MAP2: variants seen among roughly 807,000 people sequenced by gnomAD.
MAP2 encodes microtubule-associated protein 2.
A neutral mutation model predicts 137.6 loss-of-function variants in MAP2; 14 were observed. The observed-to-expected ratio is 0.10, with a 90% confidence interval of 0.07 to 0.16. The LOEUF (loss-of-function observed/expected upper bound fraction) is 0.16, where lower values mean the gene tolerates loss of function less well. Ranked by LOEUF, MAP2 falls within the 10% of genes least tolerant of loss-of-function variation. The probability of loss-of-function intolerance (pLI) is 1.00; values close to 1 mark genes in which losing one functional copy is unlikely to be tolerated. For missense variants in MAP2, 2,088 were observed against 2,191.5 expected, an observed-to-expected ratio of 0.95 and a Z score of 0.94; for synonymous variants, 786 against 782.3, an observed-to-expected ratio of 1.00 and a Z score of -0.08.
chr2:209,518,583 C>A (rs2062845940), intron 2 of MAP2, among the ~76,000 whole-genome samples: 1 of 152,034 alleles, frequency 6.6e-6, no homozygotes, highest in Non-Finnish European at 1.5e-5. Context: ...TTCCTTCTTT[C>A]TTAGTCTTCC....
intron 4 of MAP2, among the ~76,000 whole-genome samples, chr2:209,625,868 A>T (rs975962030): frequency 2.6e-5 from 4 of 152,192 alleles, no homozygotes; most frequent in Non-Finnish European, 4.4e-5. Flanking sequence ...TAGCTCAGTT[A>T]CAAGCAGAAA....
chr2:209,500,840 G>A (rs1422218493), intron 1 of MAP2, among the ~76,000 whole-genome samples: 3 of 151,952 alleles, frequency 2.0e-5, no homozygotes, highest in African/African-American at 7.3e-5. Flanking sequence ...TTTGAGACCA[G>A]CCTGTACAAC....
intron 13 of MAP2, among the ~76,000 whole-genome samples, chr2:209,720,510 G>A (rs886612141): frequency 6.6e-6 from 1 of 151,898 alleles, no homozygotes. Flanking sequence ...ATGGTGGCGG[G>A]CGCCTGTAGT....
intron 2 of MAP2, among the ~76,000 whole-genome samples, chr2:209,515,485 T>C (rs2062356150): frequency 6.6e-6 from 1 of 152,036 alleles, no homozygotes; most frequent in South Asian, 2.1e-4. Context: ...TTCTTCACCT[T>C]CTTCACAAGG....
intron 2 of MAP2, among the ~76,000 whole-genome samples, chr2:209,541,897 C>A (rs2067114739): frequency 6.6e-6 from 1 of 152,178 alleles, no homozygotes; most frequent in Admixed American, 6.5e-5. Flanking sequence ...GTTAATACTT[C>A]TTTTAAACTC....
chr2:209,506,747 A>C (rs938547634), intron 1 of MAP2, among the ~76,000 whole-genome samples: 4 of 152,190 alleles, frequency 2.6e-5, no homozygotes, highest in Non-Finnish European at 5.9e-5. Context: ...TTACCACTGG[A>C]ATTGTCTTAT....
intron 4 of MAP2, among the ~76,000 whole-genome samples, chr2:209,629,518 T>C (rs977422215): frequency 1.3e-5 from 2 of 152,224 alleles, no homozygotes; most frequent in African/African-American, 4.8e-5. Context: ...AAATAAATAC[T>C]TTGACTTGCA....
rs1227381136 is a variant in MAP2 at position 209,731,782 on chromosome 2, GA to G, written c.*1391del. The G allele has an allele frequency of 6.6e-6, 1 of 151,894 alleles. No individual in the cohort carries two copies. The highest frequency in any genetic ancestry group is 2.4e-5 in the African/African-American group (1 of 41,362). 9.4% of individuals were successfully genotyped at this position (151,894 alleles called of 1,614,324 possible). A position where few individuals can be genotyped will look rare whatever the true frequency, so the allele number is the denominator to read the frequency against. ...AAAGTAAAGATCCCCTGATCAGAAA[GA>G]AAAAATACAATACTTTGGGAAGCTA... On this transcript the variant is annotated 3_prime_UTR_variant, in exon 16 of 16. Coordinates refer to ENST00000682079, the MANE Select transcript of MAP2 (RefSeq NM_001375505.1).
At chr2:209,682,359 C>T (rs1333553255) in intron 7 of MAP2, among the ~76,000 whole-genome samples, 9 of 152,066 alleles carry the variant, frequency 5.9e-5, no homozygotes, top group South Asian at 2.1e-4. Flanking sequence ...GGCATGGTGG[C>T]GTACGCCTAT....
chr2:209,658,511 C>A (rs11901955), intron 5 of MAP2, among the ~76,000 whole-genome samples: 1 of 151,376 alleles, frequency 6.6e-6, no homozygotes, highest in African/African-American at 2.4e-5. Context: ...ATTATTATTA[C>A]TATTTTTTTT....
chr2:209,480,972 C>T lies in MAP2; in HGVS notation c.-221-26620C>T, dbSNP rs574512907. Among the ~76,000 whole-genome samples, 3 of 152,272 alleles carry T rather than the reference C, an allele frequency of 2.0e-5. No homozygotes were observed. In the South Asian group the frequency reaches 6.2e-4, roughly 32 times the overall value. On this transcript the variant is annotated intron_variant, in intron 1 of 15. Transcript: ENST00000682079. ...GAAATGCTGGGTTCATCATAAGGCT[C>T]TTACTCCATGGTGAAAAGAGGTACC...
At chr2:209,622,753 G>T (rs562836554) in intron 3 of MAP2, among the ~76,000 whole-genome samples, 2 of 152,156 alleles carry the variant, frequency 1.3e-5, no homozygotes, top group African/African-American at 4.8e-5. Flanking sequence ...TAGGCCATAA[G>T]TTGCTCTTTA....
chr2:209,506,197 C>T (rs1010249115), intron 1 of MAP2, among the ~76,000 whole-genome samples: 1 of 152,114 alleles, frequency 6.6e-6, no homozygotes, highest in African/African-American at 2.4e-5. Context: ...AAAAAAAAAT[C>T]TCCACAGATG....
intron 3 of MAP2, among the ~76,000 whole-genome samples, chr2:209,611,353 CAT>C (rs992908010): frequency 6.6e-6 from 1 of 152,034 alleles, no homozygotes; most frequent in Non-Finnish European, 1.5e-5. Context: ...GGTGTCAACA[CAT>C]GTTTGGAAAG....
At chr2:209,480,001 A>C (rs537632600) in intron 1 of MAP2, among the ~76,000 whole-genome samples, 1 of 152,270 alleles carries the variant, frequency 6.6e-6, no homozygotes, top group South Asian at 2.1e-4. Flanking sequence ...AATTTGTTTA[A>C]TTAAAATGTG....
chr2:209,519,094 C>G (rs2062916273), intron 2 of MAP2, among the ~76,000 whole-genome samples: 1 of 151,848 alleles, frequency 6.6e-6, no homozygotes, highest in African/African-American at 2.4e-5. Flanking sequence ...TTATACCAAC[C>G]CAGAAATCCC....
intron 3 of MAP2, among the ~76,000 whole-genome samples, chr2:209,596,141 A>G (rs1222996212): frequency 6.6e-6 from 1 of 152,170 alleles, no homozygotes; most frequent in East Asian, 1.9e-4. Flanking sequence ...AATAAAAATA[A>G]CAGTAAAGTG....
intron 3 of MAP2, among the ~76,000 whole-genome samples, chr2:209,586,901 A>G (rs1329772864): frequency 6.6e-6 from 1 of 152,204 alleles, no homozygotes; most frequent in Non-Finnish European, 1.5e-5. Context: ...ATTCAGCAAC[A>G]TAGCATACTT....
At chr2:209,599,747 A>G (rs1172104163) in intron 3 of MAP2, among the ~76,000 whole-genome samples, 1 of 152,070 alleles carries the variant, frequency 6.6e-6, no homozygotes, top group Non-Finnish European at 1.5e-5. Context: ...TTTAACAAAT[A>G]TTGAGTTATA....
Sources: allele counts gnomAD v4.1 joint callset (sites outside exome capture counted in the v4.1 genomes callset), GRCh38; gene constraint gnomAD v4.1.1; transcripts MANE v1.5; gene names NCBI Gene and HGNC (gene_info 2026-07-23, HGNC 2026-07-21).